THADA: variants seen among roughly 807,000 people sequenced by gnomAD.
THADA encodes tRNA (32-2'-O)-methyltransferase regulator THADA.
A neutral mutation model predicts 219.8 loss-of-function variants in THADA; 213 were observed. That is an observed-to-expected ratio of 0.97 (90% CI 0.87 to 1.09). THADA has a LOEUF of 1.09. Ranked by LOEUF, THADA falls within the 50% of genes least tolerant of loss-of-function variation. THADA has a pLI of 0.00. For synonymous variants in THADA, 1,018 were observed against 828.9 expected, an observed-to-expected ratio of 1.23 and a Z score of -3.92; for missense variants, 2,956 against 2,311.3, an observed-to-expected ratio of 1.28 and a Z score of -5.72.
chr2:43,578,373 C>T (rs190576926), intron 9 of THADA, 140 bp downstream of exon 9: 3 of 493,070 alleles, frequency 6.1e-6, no homozygotes, highest in Non-Finnish European at 7.4e-6. Flanking sequence ...TCTCAAACTC[C>T]TGGCCTCAAG....
At chr2:43,392,658 C>G (rs1397741038) in intron 29 of THADA, among the ~76,000 whole-genome samples, 2 of 152,130 alleles carry the variant, frequency 1.3e-5, no homozygotes, top group African/African-American at 2.4e-5. Flanking sequence ...TCTGGCTCTA[C>G]AGTAAACACA....
intron 23 of THADA, among the ~76,000 whole-genome samples, chr2:43,507,642 G>A (rs561329272): frequency 2.0e-5 from 3 of 152,052 alleles, no homozygotes; most frequent in Non-Finnish European, 2.9e-5. Context: ...GGAGGAGTAA[G>A]AAAGATAAGG....
At chr2:43,280,385 G>C (rs1379565641) in intron 35 of THADA, among the ~76,000 whole-genome samples, 4 of 152,152 alleles carry the variant, frequency 2.6e-5, no homozygotes. Context: ...TGTAATCCCA[G>C]CACTTTGGGA....
intron 21 of THADA, among the ~76,000 whole-genome samples, chr2:43,530,045 C>G (rs1351449489): frequency 6.6e-6 from 1 of 152,078 alleles, no homozygotes; most frequent in Non-Finnish European, 1.5e-5. Flanking sequence ...GTAATCCACA[C>G]TCAAAGTACA....
At chr2:43,515,413 T>TAC (rs1243252976) in intron 22 of THADA, among the ~76,000 whole-genome samples, 5 of 101,008 alleles carry the variant, frequency 5.0e-5, no homozygotes, top group Admixed American at 1.5e-4. Context: ...AAACTATATA[T>TAC]ACACACACAC....
intron 29 of THADA, among the ~76,000 whole-genome samples, chr2:43,383,679 G>T (rs186259495): frequency 2.0e-5 from 3 of 152,310 alleles, no homozygotes; most frequent in Admixed American, 1.3e-4. Context: ...CCAAGATTCT[G>T]CATTTCTAAC....
At chr2:43,540,229 A>T (rs1695121892) in intron 21 of THADA, among the ~76,000 whole-genome samples, 1 of 152,244 alleles carries the variant, frequency 6.6e-6, no homozygotes, top group Non-Finnish European at 1.5e-5. Context: ...TTTGGAAGAG[A>T]ATAAGGAACA....
chr2:43,375,948 A>C (rs1671326808), intron 29 of THADA, among the ~76,000 whole-genome samples: 1 of 152,160 alleles, frequency 6.6e-6, no homozygotes, highest in South Asian at 2.1e-4. Flanking sequence ...AGTGTTCACA[A>C]CCCAACACAA....
At chr2:43,474,301 G>A (rs1054624980) in intron 26 of THADA, among the ~76,000 whole-genome samples, 1 of 152,218 alleles carries the variant, frequency 6.6e-6, no homozygotes, top group African/African-American at 2.4e-5. Flanking sequence ...AAAGAGCTCT[G>A]TTCCAGGTAC....
intron 21 of THADA, chr2:43,538,711 A>G (rs1694923066): frequency 6.6e-6 from 1 of 152,212 alleles, no homozygotes; most frequent in African/African-American, 2.4e-5. Context: ...CTAGCTTTGC[A>G]ATCTTGGGCA....
chr2:43,437,512 A>G (rs1188154435), intron 26 of THADA, among the ~76,000 whole-genome samples: 1 of 152,180 alleles, frequency 6.6e-6, no homozygotes, highest in Non-Finnish European at 1.5e-5. Flanking sequence ...AACCTTAATT[A>G]AATGTTGTAT....
intron 36 of THADA, among the ~76,000 whole-genome samples, chr2:43,235,003 T>C (rs1196501214): frequency 6.7e-6 from 1 of 150,300 alleles, no homozygotes; most frequent in Non-Finnish European, 1.5e-5. Flanking sequence ...TTTCTCAGAC[T>C]GAGTCTTGCT....
chr2:43,398,179 C>G, intron 28 of THADA, 40 bp from the exon 29 acceptor site: 1 of 1,595,028 alleles, frequency 6.3e-7, no homozygotes, highest in Non-Finnish European at 8.6e-7. Context: ...CAATAGTCAT[C>G]TCCACATCTG....
Position 43,432,528 on chromosome 2 carries a change from C to A in THADA, c.3837-2226G>T, listed in dbSNP as rs149811997. Among the ~76,000 whole-genome samples the A allele has an allele frequency of 6.2e-3, 938 of 150,942 alleles. 5 individuals are homozygous for A. Among genetic ancestry groups the A allele is most frequent in the Non-Finnish European group, 9.6e-3 (650 of 67,868 alleles). On this transcript the variant is annotated intron_variant, in intron 26 of 37. Transcript: ENST00000405975. ...TCTAATATAAGACTTTTTAAGGACA[C>A]GTTTTCATTTCTCCTGGATTAATAT...
At chr2:43,455,911 T>C (rs562694098) in intron 26 of THADA, among the ~76,000 whole-genome samples, 4 of 152,340 alleles carry the variant, frequency 2.6e-5, no homozygotes, top group East Asian at 3.9e-4. Flanking sequence ...GGTCAAAACG[T>C]TGACCACACT....
At chr2:43,437,800 A>G (rs1292631267) in intron 26 of THADA, among the ~76,000 whole-genome samples, 2 of 152,220 alleles carry the variant, frequency 1.3e-5, no homozygotes, top group Admixed American at 6.5e-5. Context: ...AAAGTTTTTA[A>G]ATTAAAAATA....
intron 28 of THADA, among the ~76,000 whole-genome samples, chr2:43,398,953 A>C (rs1405623573): frequency 6.6e-6 from 1 of 152,204 alleles, no homozygotes; most frequent in Non-Finnish European, 1.5e-5. Context: ...CCAGTTCTTA[A>C]ATAGTGAAAG....
chr2:43,550,803 T>C (rs1249537230), intron 19 of THADA, among the ~76,000 whole-genome samples: 7 of 152,200 alleles, frequency 4.6e-5, no homozygotes, highest in Admixed American at 3.3e-4. Context: ...TCTTATGCAC[T>C]GCTCAAGTAG....
intron 28 of THADA, among the ~76,000 whole-genome samples, chr2:43,414,890 G>A (rs1004712653): frequency 6.6e-6 from 1 of 152,092 alleles, no homozygotes; most frequent in South Asian, 2.1e-4. Context: ...CATCTAGAAG[G>A]GGTAAGAAAG....
Sources: gnomAD v4.1 joint callset for allele counts (sites outside exome capture counted in the v4.1 genomes callset) on GRCh38, gnomAD v4.1.1 for gene constraint, MANE v1.5 for transcripts, NCBI Gene and HGNC (gene_info 2026-07-23, HGNC 2026-07-21) for gene names.